The following CSMD1 variants were observed in gnomAD, a reference collection of about 807,000 sequenced individuals.
CSMD1 encodes the protein CUB and Sushi multiple domains 1.
Under a neutral mutation model 417.5 loss-of-function variants are expected in CSMD1, and 213 were observed. The ratio of observed to expected loss-of-function variants is 0.51; its 90% CI spans 0.46 to 0.57. The LOEUF (loss-of-function observed/expected upper bound fraction) is 0.57, where lower values mean the gene tolerates loss of function less well. Among genes scored for constraint, CSMD1 ranks in the 20% least tolerant of loss-of-function variants. The pLI is 0.00. For missense variants in CSMD1, 6,923 were observed against 4,529.7 expected, an observed-to-expected ratio of 1.53 and a Z score of -15.17; for synonymous variants, 2,862 against 1,736.8, an observed-to-expected ratio of 1.65 and a Z score of -16.11.
chr8:3,900,385 G>A (rs952473585), intron 5 of CSMD1, among the ~76,000 whole-genome samples: 3 of 151,754 alleles, frequency 2.0e-5, no homozygotes, highest in African/African-American at 4.8e-5. Flanking sequence ...CAGTGCAGCT[G>A]GGTGACAGTA....
intron 3 of CSMD1, among the ~76,000 whole-genome samples, chr8:4,151,606 A>T (rs1563191939): frequency 1.3e-5 from 2 of 152,164 alleles, no homozygotes; most frequent in South Asian, 2.1e-4. Context: ...TTTCTCATGG[A>T]TTGTGACATG....
chr8:3,261,234 C>T (rs1226505573), intron 26 of CSMD1, among the ~76,000 whole-genome samples: 1 of 152,094 alleles, frequency 6.6e-6, no homozygotes, highest in Non-Finnish European at 1.5e-5. Flanking sequence ...GCATAGGAGG[C>T]AGAAAAACAG....
At chr8:3,828,201 T>C (rs4443683) in intron 5 of CSMD1, among the ~76,000 whole-genome samples, 122,240 of 152,126 alleles carry the variant, frequency 0.8, 49,370 homozygotes, top group African/African-American at 0.88. Context: ...CAATCCTTGA[T>C]ATTCCTGGCT....
intron 3 of CSMD1, among the ~76,000 whole-genome samples, chr8:4,253,757 G>GA (rs34581244): frequency 0.097 from 14,008 of 144,758 alleles, 923 homozygotes; most frequent in East Asian, 0.34. Context: ...TTATATACTT[G>GA]AAAAAAAAAA....
At position 3,691,297 on chromosome 8, in the gene CSMD1, G is replaced by A. The variant is rs572844832; in HGVS notation, c.1009+17117C>T. Among the ~76,000 whole-genome samples, 4 of 152,124 alleles carry A rather than the reference G, an allele frequency of 2.6e-5. No homozygotes were observed. In the South Asian group the frequency reaches 6.2e-4, roughly 24 times the overall value. On this transcript the variant is annotated intron_variant, in intron 7 of 69. Coordinates refer to ENST00000635120, the MANE Select transcript of CSMD1 (RefSeq NM_033225.6). ...GCAGGAGATCACTTGACCCTGGGAG[G>A]CGGAGGTTGCAGTGAGCCGGGATCG...
At chr8:4,680,905 A>G (rs1175167606) in intron 1 of CSMD1, among the ~76,000 whole-genome samples, 2 of 150,368 alleles carry the variant, frequency 1.3e-5, no homozygotes, top group African/African-American at 4.9e-5. Flanking sequence ...ATGTGATATG[A>G]TAAGCACACA....
intron 3 of CSMD1, among the ~76,000 whole-genome samples, chr8:4,302,665 T>G (rs887296173): frequency 2.0e-5 from 3 of 152,200 alleles, no homozygotes; most frequent in Non-Finnish European, 4.4e-5. Context: ...TGATTAATGT[T>G]CAAAAGCATT....
intron 1 of CSMD1, among the ~76,000 whole-genome samples, chr8:4,849,060 T>C (rs770486537): frequency 8.5e-5 from 13 of 152,222 alleles, no homozygotes; most frequent in African/African-American, 3.1e-4. Context: ...CCTGAAGACC[T>C]TCTAGTGGGA....
chr8:4,595,387 C>CTTTTTTTTTTTTTTTCTTTTTTTTT, intron 2 of CSMD1, among the ~76,000 whole-genome samples: 68 of 147,286 alleles, frequency 4.6e-4, no homozygotes, highest in Non-Finnish European at 6.8e-4. Context: ...CATTCATTTT[C>CTTTTTTTTTTTTTTTCTTTTTTTTT]ATTCCATCCA....
rs192702852 is a variant in CSMD1, at chr8:4,035,946, T to C, written c.416-3847A>G. Among the ~76,000 whole-genome samples, 10 of 152,298 alleles carry C rather than the reference T, an allele frequency of 6.6e-5. No individual in the cohort carries two copies. The East Asian group carries it at 1.5e-3, about 24-fold the overall frequency. On this transcript the variant is annotated intron_variant, in intron 3 of 69. Coordinates refer to ENST00000635120, the MANE Select transcript of CSMD1 (RefSeq NM_033225.6). ...GCAACTTCCAGCCCCACAAACTCTA[T>C]TCACGGTAAGTGTCCTATGAGAGTG... is the stretch of plus-strand genomic sequence containing the variant.
chr8:3,378,583 G>C lies in CSMD1; in HGVS notation c.2782+8911C>G, dbSNP rs529028927. On this transcript the variant is annotated intron_variant, in intron 18 of 69. Coordinates refer to ENST00000635120, the MANE Select transcript of CSMD1 (RefSeq NM_033225.6). Reference sequence around the variant, plus strand: ...GTCAGCTTTATCCCTGGGATGCAAGGCTAGTTCCATATATGCAAATCAATA... The same window carrying C: ...GTCAGCTTTATCCCTGGGATGCAAGCCTAGTTCCATATATGCAAATCAATA... 5.3e-5 allele frequency among the ~76,000 whole-genome samples: 8 copies of C among 152,254 alleles called. 1 individual carries two copies. The South Asian group carries it at 1.2e-3, about 24-fold the overall frequency.
intron 3 of CSMD1, among the ~76,000 whole-genome samples, chr8:4,041,776 A>G (rs1212429901): frequency 6.6e-6 from 1 of 152,176 alleles, no homozygotes; most frequent in East Asian, 1.9e-4. Flanking sequence ...TTGTCTTGAG[A>G]CATGGGAAAT....
chr8:4,974,688 G>A (rs750760905), intron 1 of CSMD1, among the ~76,000 whole-genome samples: 8 of 152,148 alleles, frequency 5.3e-5, no homozygotes, highest in Non-Finnish European at 8.8e-5. Flanking sequence ...AGAGACCTAA[G>A]AGTAAGACAG....
At chr8:3,263,451 T>A (rs1024400471) in intron 26 of CSMD1, among the ~76,000 whole-genome samples, 1 of 152,166 alleles carries the variant, frequency 6.6e-6, no homozygotes, top group Non-Finnish European at 1.5e-5. Flanking sequence ...TATATATGGA[T>A]ACATTGGGTC....
At chr8:4,487,653 C>CA (rs1370913547) in intron 2 of CSMD1, among the ~76,000 whole-genome samples, 1 of 151,646 alleles carries the variant, frequency 6.6e-6, no homozygotes, top group Non-Finnish European at 1.5e-5. Context: ...GATTTTGTTT[C>CA]AAAAAAAGGA....
intron 5 of CSMD1, among the ~76,000 whole-genome samples, chr8:3,839,231 A>G (rs1585072456): frequency 8.0e-6 from 1 of 125,514 alleles, no homozygotes; most frequent in South Asian, 2.3e-4. Context: ...TATAATATAT[A>G]ATTATATATA....
At chr8:4,118,586 A>C (rs1030166505) in intron 3 of CSMD1, among the ~76,000 whole-genome samples, 5 of 152,178 alleles carry the variant, frequency 3.3e-5, no homozygotes, top group African/African-American at 9.6e-5. Flanking sequence ...AAAAGTAAGG[A>C]AACAATAGAT....
At chr8:4,620,894 G>A (rs1801740412) in intron 2 of CSMD1, among the ~76,000 whole-genome samples, 1 of 151,344 alleles carries the variant, frequency 6.6e-6, no homozygotes, top group African/African-American at 2.4e-5. Context: ...GAAAAATTGA[G>A]TAAAGTAAAA....
chr8:4,251,833 G>A (rs920030352), intron 3 of CSMD1, among the ~76,000 whole-genome samples: 1 of 147,816 alleles, frequency 6.8e-6, no homozygotes, highest in Non-Finnish European at 1.5e-5. Flanking sequence ...AGAGATGGAA[G>A]AGGAGAGATG....
Sources: allele counts gnomAD v4.1 joint callset (sites outside exome capture counted in the v4.1 genomes callset), GRCh38; gene constraint gnomAD v4.1.1; transcripts MANE v1.5; gene names NCBI Gene and HGNC (gene_info 2026-07-23, HGNC 2026-07-21).